Variants in PDGFD observed in about 807,000 individuals in gnomAD.
PDGFD encodes platelet-derived growth factor D.
Under a neutral mutation model 44.7 loss-of-function variants are expected in PDGFD, and 30 were observed. That is an observed-to-expected ratio of 0.67 (90% CI 0.50 to 0.91). PDGFD has a LOEUF of 0.91. Among genes scored for constraint, PDGFD ranks in the 40% least tolerant of loss-of-function variants. PDGFD has a pLI of 0.00. For missense variants in PDGFD, 445 were observed against 457.8 expected, an observed-to-expected ratio of 0.97 and a Z score of 0.25; for synonymous variants, 173 against 168.4, an observed-to-expected ratio of 1.03 and a Z score of -0.21.
intron 3 of PDGFD, among the ~76,000 whole-genome samples, chr11:103,955,919 T>C (rs2134332534): frequency 6.6e-6 from 1 of 152,302 alleles, no homozygotes; most frequent in African/African-American, 2.4e-5. Context: ...AATTTAGAAC[T>C]GCTAGGATTC....
At chr11:104,016,492 G>A (rs1428326169) in intron 1 of PDGFD, among the ~76,000 whole-genome samples, 1 of 152,208 alleles carries the variant, frequency 6.6e-6, no homozygotes, top group Admixed American at 6.5e-5. Context: ...ATGGCAAGGG[G>A]AACAGACTTA....
intron 1 of PDGFD, among the ~76,000 whole-genome samples, chr11:104,121,319 A>G (rs1861775408): frequency 1.3e-5 from 2 of 152,066 alleles, no homozygotes; most frequent in South Asian, 2.1e-4. Context: ...TTCGTGAAGT[A>G]ATTTTCACTA....
intron 1 of PDGFD, among the ~76,000 whole-genome samples, chr11:104,142,802 C>G (rs7127551): frequency 0.21 from 31,679 of 152,128 alleles, 3,360 homozygotes; most frequent in East Asian, 0.27. Context: ...CCAAAGCCCT[C>G]TGTGGGATTA....
chr11:104,061,594 T>A (rs1480166667), intron 1 of PDGFD, among the ~76,000 whole-genome samples: 1 of 152,088 alleles, frequency 6.6e-6, no homozygotes, highest in South Asian at 2.1e-4. Context: ...AATTCAGTGT[T>A]TTTCTTTCTG....
intron 1 of PDGFD, among the ~76,000 whole-genome samples, chr11:104,072,880 G>A (rs1473205114): frequency 6.6e-6 from 1 of 151,984 alleles, no homozygotes; most frequent in East Asian, 1.9e-4. Context: ...GTATATAAAT[G>A]TCTAATAGTG....
chr11:104,100,771 C>T (rs1012013309), intron 1 of PDGFD, among the ~76,000 whole-genome samples: 1 of 152,136 alleles, frequency 6.6e-6, no homozygotes, highest in African/African-American at 2.4e-5. Flanking sequence ...TGGGCTTCAT[C>T]CCTGGGATGC....
intron 1 of PDGFD, among the ~76,000 whole-genome samples, chr11:104,107,783 G>T (rs1313347982): frequency 6.6e-6 from 1 of 152,048 alleles, no homozygotes; most frequent in Non-Finnish European, 1.5e-5. Context: ...TACAAAATGG[G>T]AATGATTTTA....
intron 6 of PDGFD, among the ~76,000 whole-genome samples, chr11:103,914,850 A>G (rs1406434208): frequency 6.6e-6 from 1 of 152,246 alleles, no homozygotes; most frequent in African/African-American, 2.4e-5. Flanking sequence ...CAAAAACCAC[A>G]TGATTATCTC....
chr11:103,986,104 T>C (rs1425091227), intron 3 of PDGFD, among the ~76,000 whole-genome samples: 1 of 152,144 alleles, frequency 6.6e-6, no homozygotes, highest in Non-Finnish European at 1.5e-5. Context: ...TGAGTGGAGG[T>C]TAGCCTTAAT....
chr11:103,943,659 G>A lies in PDGFD; in HGVS notation c.574-9C>T. ...GAGTTATAGGATACCCCCTAAGAGT[G>A]ACATACAGCTCAGTGTACTCAGAAT... On this transcript the variant is annotated splice_polypyrimidine_tract_variant and intron_variant, in intron 4 of 6. Transcript: ENST00000393158. The A allele has an allele frequency of 6.2e-7, 1 of 1,607,484 alleles. No individual in the cohort carries two copies. The highest frequency in any genetic ancestry group is 8.5e-7 in the Non-Finnish European group (1 of 1,175,574).
intron 1 of PDGFD, among the ~76,000 whole-genome samples, chr11:104,075,639 G>A (rs1274334151): frequency 1.3e-5 from 2 of 151,942 alleles, no homozygotes; most frequent in African/African-American, 4.8e-5. Flanking sequence ...CTACAGGTGT[G>A]ACCCACCATG....
chr11:103,952,206 C>A (rs955460093), intron 3 of PDGFD, among the ~76,000 whole-genome samples: 6 of 152,124 alleles, frequency 3.9e-5, no homozygotes, highest in African/African-American at 1.2e-4. Flanking sequence ...AGAACAGTGC[C>A]CTTACCGTTA....
chr11:104,091,205 G>A (rs1861208955), intron 1 of PDGFD, among the ~76,000 whole-genome samples: 1 of 152,054 alleles, frequency 6.6e-6, no homozygotes, highest in African/African-American at 2.4e-5. Context: ...TTCACAAATG[G>A]CTTTTCTGTT....
In PDGFD at chr11:104,093,614, A is replaced by C. The variant is rs181666136; in HGVS notation, c.124+70190T>G. Among the ~76,000 whole-genome samples, 3 of 151,844 alleles carry C rather than the reference A, an allele frequency of 2.0e-5. No individual in the cohort carries two copies. In the East Asian group the frequency reaches 5.8e-4, roughly 29 times the overall value. On this transcript the variant is annotated intron_variant, in intron 1 of 6. Transcript: ENST00000393158. ...CTAAGTTTGCTCTTTCCTCCCTCATACTTTTCAAACCCCCTCACTCCCTCA... is the reference window on the plus strand; with the variant it reads ...CTAAGTTTGCTCTTTCCTCCCTCATCCTTTTCAAACCCCCTCACTCCCTCA...
chr11:103,989,331 G>A (rs753550830), intron 3 of PDGFD, among the ~76,000 whole-genome samples: 4 of 152,220 alleles, frequency 2.6e-5, no homozygotes, highest in Non-Finnish European at 5.9e-5. Flanking sequence ...GCAACAGCAA[G>A]AATCTGTTCT....
In PDGFD at chr11:103,959,304, T is replaced by C. The variant is rs375746529; in HGVS notation, c.511-11580A>G. Among the ~76,000 whole-genome samples the C allele has an allele frequency of 3.9e-5, 6 of 152,164 alleles. No homozygotes were observed. The East Asian group carries it at 9.6e-4, about 24-fold the overall frequency. ...ATACTGAATATAAAATATTTAAGAG[T>C]CATGTTACTACTATACAGCTATGTA... On this transcript the variant is annotated intron_variant, in intron 3 of 6. Coordinates refer to ENST00000393158, the MANE Select transcript of PDGFD (RefSeq NM_025208.5).
At chr11:103,998,284 C>G (rs1228544076) in intron 2 of PDGFD, among the ~76,000 whole-genome samples, 1 of 152,024 alleles carries the variant, frequency 6.6e-6, no homozygotes, top group Non-Finnish European at 1.5e-5. Flanking sequence ...TGGGAGGCCC[C>G]GAGGTAGCTT....
At chr11:104,104,145 A>G (rs1037117697) in intron 1 of PDGFD, among the ~76,000 whole-genome samples, 1 of 152,186 alleles carries the variant, frequency 6.6e-6, no homozygotes, top group African/African-American at 2.4e-5. Flanking sequence ...ATAGAAATAA[A>G]GCATATAGAA....
At chr11:104,068,615 T>G (rs1261239459) in intron 1 of PDGFD, among the ~76,000 whole-genome samples, 1 of 152,188 alleles carries the variant, frequency 6.6e-6, no homozygotes. Flanking sequence ...GGTATTAAAT[T>G]GGAATTGACC....
Sources: gnomAD v4.1 joint callset for allele counts (sites outside exome capture counted in the v4.1 genomes callset) on GRCh38, gnomAD v4.1.1 for gene constraint, MANE v1.5 for transcripts, NCBI Gene and HGNC (gene_info 2026-07-23, HGNC 2026-07-21) for gene names.